Variants in RNF213 observed in about 807,000 individuals in gnomAD.
RNF213 encodes E3 ubiquitin-protein ligase RNF213.
In RNF213, 341 loss-of-function variants were observed where a neutral mutation model predicts 514.4. That is an observed-to-expected ratio of 0.66 (90% CI 0.61 to 0.73). RNF213 has a LOEUF of 0.73. Among genes scored for constraint, RNF213 ranks in the 30% least tolerant of loss-of-function variants. The probability of loss-of-function intolerance (pLI) is 0.00; values close to 1 mark genes in which losing one functional copy is unlikely to be tolerated. For missense variants in RNF213, 5,767 were observed against 6,615.6 expected (o/e 0.87, Z 4.45); for synonymous variants, 2,655 against 2,658.2 (o/e 1.00, Z 0.04).
chr17:80,273,563 C>G (rs552840546), intron 3 of RNF213, among the ~76,000 whole-genome samples, 159 bp downstream of exon 3: 2 of 151,152 alleles, frequency 1.3e-5, no homozygotes, highest in Non-Finnish European at 3.0e-5. Context: ...GCACCTGATT[C>G]ATCTCTGGCT....
At position 80,318,578 on chromosome 17, in the gene RNF213, C is replaced by CTT. The variant is rs11455821; in HGVS notation, c.2902-600_2902-599dup. On this transcript the variant is annotated intron_variant, in intron 16 of 67. Transcript: ENST00000582970. ...TGTGATATGAGAGTTTTATATGTAA[C>CTT]TTTTTTTTTTTTTGAGACGGGGTCT... 4.1e-5 allele frequency among the ~76,000 whole-genome samples: 6 copies of CTT among 147,646 alleles called. No homozygotes were observed. The East Asian group carries it at 6.0e-4, about 15-fold the overall frequency.
chr17:80,294,350 C>T (rs2044858745), intron 8 of RNF213, among the ~76,000 whole-genome samples: 1 of 152,156 alleles, frequency 6.6e-6, no homozygotes, highest in African/African-American at 2.4e-5. Context: ...TGGGGGGATG[C>T]GGTTTCTGTA....
In RNF213 at chr17:80,376,277, AATGTT is replaced by A. The variant is rs752345628; in HGVS notation, c.13186-22_13186-18del. 4.3e-6 allele frequency: 7 copies of A among 1,613,464 alleles called. No homozygotes were observed. Among genetic ancestry groups the A allele is most frequent in the Non-Finnish European group, 5.9e-6 (7 of 1,179,534 alleles). Reference sequence around the variant, plus strand: ...CACACAATATTCTTTGATACATCTTAATGTTAAGTTTTTTTCCTGTCAGCAATGTG... The same window carrying A: ...CACACAATATTCTTTGATACATCTTAAAGTTTTTTTCCTGTCAGCAATGTG... On this transcript the variant is annotated intron_variant, in intron 51 of 67. Transcript: ENST00000582970.
In RNF213 at chr17:80,372,602, G is replaced by T. The variant is rs2079558986; in HGVS notation, c.12619G>T (p.Ala4207Ser). Residue 4207 changes from alanine to serine, a missense_variant, in exon 48 of 68, where the codon GCA (alanine) becomes TCA (serine). Coordinates refer to ENST00000582970, the MANE Select transcript of RNF213 (RefSeq NM_001256071.3). ...AGAAGAGGAAGGTCGTTTCCTTAAG[G>T]CATATTCTCCAGCAAGCCGGGGCCG... The part of the protein sequence containing the change: ...HLEEEGRFLK[A>S]YSPASRGREP... The T allele has an allele frequency of 3.7e-6, 6 of 1,614,004 alleles. No individual in the cohort carries two copies. Among genetic ancestry groups the T allele is most frequent in the Non-Finnish European group, 4.2e-6 (5 of 1,179,984 alleles).
At chr17:80,278,700 T>G in intron 3 of RNF213, 1 of 1,517,272 alleles carries the variant, frequency 6.6e-7, no homozygotes, top group Non-Finnish European at 8.8e-7. Flanking sequence ...TCTTTGCGAG[T>G]CTACTGGAGC....
intron 21 of RNF213, 89 bp from the exon 22 acceptor site, chr17:80,334,016 G>C: frequency 6.8e-7 from 1 of 1,459,974 alleles, no homozygotes; most frequent in Non-Finnish European, 9.3e-7. Flanking sequence ...AGGGAGGGTG[G>C]GGCTGCTGGG....
chr17:80,343,872 T>A lies in RNF213; in HGVS notation c.6199T>A (p.Trp2067Arg). 1 of 1,614,210 alleles carries A rather than the reference T, an allele frequency of 6.2e-7. No homozygotes were observed. The highest frequency in any genetic ancestry group is 8.5e-7 in the Non-Finnish European group (1 of 1,180,036). ...CTGTTCTTAGGTGCAGACTGGAATT[T>A]GGGTGTTTCTTTTCAAGCTCCTCAT... The part of the protein sequence containing the change: ...DVTSSVQTGI[W>R]VFLFKLLILQ... Residue 2067 changes from tryptophan (W) to arginine (R), a missense_variant, in exon 28 of 68, where the codon TGG becomes AGG. By Grantham distance (101) the Trp-to-Arg change is moderately radical (BLOSUM62 -3). Transcript: ENST00000582970. This position sits in a 1 kb window ranked among gnomAD's most constrained non-coding sequence, Gnocchi z 4.3.
chr17:80,393,854 G>C lies in RNF213; in HGVS notation c.*356G>C. 3.9e-6 allele frequency: 1 copy of C among 258,456 alleles called. No homozygotes were observed. Among genetic ancestry groups the C allele is most frequent in the Non-Finnish European group, 7.6e-6 (1 of 131,240 alleles). 16.0% of individuals were successfully genotyped at this position (258,456 alleles called of 1,614,324 possible). Reference sequence around the variant, plus strand: ...AATGACCTGTGCCCGTTCGCCTCTGGCACTGCCCACCCCTCTTTTTTTTTT... The same window carrying C: ...AATGACCTGTGCCCGTTCGCCTCTGCCACTGCCCACCCCTCTTTTTTTTTT... On this transcript the variant is annotated 3_prime_UTR_variant, in exon 68 of 68. Coordinates refer to ENST00000582970, the MANE Select transcript of RNF213 (RefSeq NM_001256071.3).
In RNF213 at chr17:80,363,548, G is replaced by T. The variant is rs1003981826; in HGVS notation, c.11569-61G>T. ...AGTATACATGCAGCTAACAGCCGGG[G>T]CCTCTGGTGGGCCGGTGGGAGGGGC... On this transcript the variant is annotated intron_variant, in intron 40 of 67. Coordinates refer to ENST00000582970, the MANE Select transcript of RNF213 (RefSeq NM_001256071.3). 1.5e-5 allele frequency: 24 copies of T among 1,577,050 alleles called. No individual in the cohort carries two copies. The African/African-American group carries it at 3.2e-4, about 21-fold the overall frequency.
rs2079677012 is a variant in RNF213 at position 80,374,747 on chromosome 17, C to T, written c.13074+158C>T. On this transcript the variant is annotated intron_variant, in intron 50 of 67. Transcript: ENST00000582970. ...TCACGTGCCCACAGCCTCCAGGGCGCACCTGGCTAGTGTGCGTGAACCAGT... is the reference window on the plus strand; with the variant it reads ...TCACGTGCCCACAGCCTCCAGGGCGTACCTGGCTAGTGTGCGTGAACCAGT... The T allele has an allele frequency of 1.4e-5, 12 of 834,652 alleles. No homozygotes were observed. The South Asian group carries it at 1.8e-4, about 13-fold the overall frequency. The allele number at this position is 834,652 out of a possible 1,614,324, so 51.7% of individuals were successfully genotyped here.
Position 80,340,118 on chromosome 17 carries a change from G to A in RNF213, c.5751G>A (p.Thr1917=), listed in dbSNP as rs748728507. The change falls in exon 26 of 68, where the codon ACG becomes ACA. Residue 1917 remains threonine, a synonymous_variant. Transcript: ENST00000582970. ...QAEELFHNLC[T]QQHREDYQLV... ...AGGAGCTTTTCCACAATCTGTGCAC[G>A]CAGCAGCACCGAGAAGACTACCAGC... 1.2e-5 allele frequency: 20 copies of A among 1,612,924 alleles called. No homozygotes were observed. The highest frequency in any genetic ancestry group is 3.3e-4 in the Middle Eastern group (2 of 6,084).
Position 80,372,721 on chromosome 17 carries a change from T to G in RNF213, c.12738T>G (p.Pro4246=). Residue 4246 remains proline (P), a synonymous_variant, in exon 48 of 68, where the codon CCT becomes CCG. Transcript: ENST00000582970. ...GAGCTGCAGATTTCCTCTCGGAGCC[T>G]GAGGGAGGCCCAGGCAAGTCTTCTC... ...LDRAADFLSE[P]EGGPEMAKEK... The G allele has an allele frequency of 6.2e-7, 1 of 1,613,484 alleles. No homozygotes were observed. The highest frequency in any genetic ancestry group is 8.5e-7 in the Non-Finnish European group (1 of 1,180,014).
At chr17:80,298,568 C>T (rs1389200023) in intron 11 of RNF213, 50 bp downstream of exon 11, 9 of 1,604,810 alleles carry the variant, frequency 5.6e-6, no homozygotes, top group Non-Finnish European at 7.7e-6. Context: ...AGACTGACTC[C>T]TACATTGTGC....
Position 80,347,933 on chromosome 17 carries a change from A to G in RNF213, c.9598A>G (p.Asn3200Asp). 6.2e-7 allele frequency: 1 copy of G among 1,614,090 alleles called. No individual in the cohort carries two copies. Among genetic ancestry groups the G allele is most frequent in the Non-Finnish European group, 8.5e-7 (1 of 1,179,964 alleles). ...ELCAWVEKFI[N>D]VKAHHFQKRH... ...CTGTGCGTGGGTGGAGAAGTTCATC[A>G]ATGTCAAAGCACATCATTTCCAGAA... The change falls in exon 29 of 68, where the codon AAT becomes GAT. Residue 3200 changes from asparagine (N) to aspartate (D), a missense_variant. Asn to Asp is a conservative substitution (Grantham distance 23). Around this residue, in one of 13 missense-constraint regions of RNF213, gnomAD observed 919 missense variants for 1,121.0 expected, o/e 0.82. Transcript: ENST00000582970. The surrounding 1 kb of genome is among the most constrained non-coding windows in gnomAD (Gnocchi z 7.2).
chr17:80,375,916 A>G (rs2079737608), intron 51 of RNF213, 46 bp downstream of exon 51: 1 of 1,321,892 alleles, frequency 7.6e-7, no homozygotes, highest in African/African-American at 1.4e-5. Flanking sequence ...CAGTATTTGG[A>G]GGGATTTTAT....
At chr17:80,289,944 T>A in intron 6 of RNF213, 107 bp downstream of exon 6, 1 of 1,273,994 alleles carries the variant, frequency 7.8e-7, no homozygotes, top group Non-Finnish European at 1.1e-6. Context: ...TCTAGTCAGC[T>A]GTTTTGGCAA....
intron 49 of RNF213, 63 bp downstream of exon 49, chr17:80,373,228 C>T: frequency 6.9e-7 from 1 of 1,449,072 alleles, no homozygotes; most frequent in East Asian, 2.4e-5. Flanking sequence ...ACCCCAAACC[C>T]ACACACCCCC....
In RNF213 at chr17:80,332,317, T is replaced by C; in HGVS notation, c.3829T>C (p.Tyr1277His). ...CCTTGAGCTTGAAGAGGTGTATGAC[T>C]ATTTGTATCAGCCTTCTTACAGAAA... Reference protein sequence around the residue: ...HILELEEVYDYLYQPSYRKFI... With the variant: ...HILELEEVYDHLYQPSYRKFI... The change falls in exon 21 of 68, where the codon TAT becomes CAT. Residue 1277 changes from tyrosine (Y) to histidine (H), a missense_variant. Tyr to His is a moderately conservative substitution (Grantham distance 83, BLOSUM62 2). Around this residue, in one of 13 missense-constraint regions of RNF213, gnomAD observed 516 missense variants for 566.5 expected, o/e 0.91. Transcript: ENST00000582970. 6.5e-7 allele frequency: 1 copy of C among 1,537,236 alleles called. No individual in the cohort carries two copies. Among genetic ancestry groups the C allele is most frequent in the African/African-American group, 1.4e-5 (1 of 73,174 alleles).
chr17:80,346,896 A>T lies in RNF213; in HGVS notation c.8561A>T (p.Lys2854Ile). Residue 2854 changes from lysine (K) to isoleucine (I), a missense_variant, in exon 29 of 68, where the codon AAA (lysine) becomes ATA (isoleucine). Coordinates refer to ENST00000582970, the MANE Select transcript of RNF213 (RefSeq NM_001256071.3). The surrounding 1 kb of genome is among the most constrained non-coding windows in gnomAD (Gnocchi z 8.1). ...GTGGGGCTGGCGGAAGACTCACCCA[A>T]AATGCCCCTGAAGACTCTGCACCCG... ...DEVGLAEDSPKMPLKTLHPLL... is the reference protein window; with the variant it reads ...DEVGLAEDSPIMPLKTLHPLL... 6.2e-7 allele frequency: 1 copy of T among 1,613,960 alleles called. No individual in the cohort carries two copies. Among genetic ancestry groups the T allele is most frequent in the Non-Finnish European group, 8.5e-7 (1 of 1,179,940 alleles).
Sources: gnomAD v4.1 joint callset for allele counts (sites outside exome capture counted in the v4.1 genomes callset) on GRCh38, gnomAD v4.1.1 for gene constraint, gnomAD v4.1.1 regional missense constraint, Gnocchi (gnomAD v3.1) non-coding constraint, MANE v1.5 for transcripts, NCBI Gene and HGNC (gene_info 2026-07-23, HGNC 2026-07-21) for gene names.